Variants in ARID2 observed in about 807,000 individuals in gnomAD.
ARID2 encodes AT-rich interaction domain 2.
A neutral mutation model predicts 184.6 loss-of-function variants in ARID2; 32 were observed. The ratio of observed to expected loss-of-function variants is 0.17; its 90% CI spans 0.13 to 0.23. The LOEUF is 0.23. Ranked by LOEUF, ARID2 falls within the 10% of genes least tolerant of loss-of-function variation. The probability of loss-of-function intolerance (pLI) is 1.00; values close to 1 mark genes in which losing one functional copy is unlikely to be tolerated. For missense variants in ARID2, 1,696 were observed against 2,197.6 expected (o/e 0.77, Z 4.56); for synonymous variants, 836 against 772.6 (o/e 1.08, Z -1.36).
At chr12:45,778,697 A>C (rs1380919548) in intron 3 of ARID2, among the ~76,000 whole-genome samples, 2 of 151,990 alleles carry the variant, frequency 1.3e-5, no homozygotes, top group Non-Finnish European at 2.9e-5. Context: ...TTTTAAATAA[A>C]TGACGGTTCA....
At chr12:45,856,736 T>C (rs1207345672) in intron 15 of ARID2, among the ~76,000 whole-genome samples, 2 of 152,104 alleles carry the variant, frequency 1.3e-5, no homozygotes, top group Admixed American at 6.6e-5. Flanking sequence ...CAGAAAAAAA[T>C]AGCAACAAGT....
At chr12:45,839,532 A>G (rs1483810234) in intron 11 of ARID2, 36 bp downstream of exon 11, 1 of 1,581,292 alleles carries the variant, frequency 6.3e-7, no homozygotes, top group East Asian at 2.2e-5. Context: ...CAGTGTGGTT[A>G]CGAGTGTATA....
rs145310871 is a variant in ARID2 at position 45,907,036 on chromosome 12, C to T, written c.*1958C>T. On this transcript the variant is annotated 3_prime_UTR_variant, in exon 21 of 21. Transcript: ENST00000334344. ...CTAGTTTCTTCCTGAAGGAGGATCCCTGGCGCTGTCCTGCCATGTCTCAAA... is the reference window on the plus strand; with the variant it reads ...CTAGTTTCTTCCTGAAGGAGGATCCTTGGCGCTGTCCTGCCATGTCTCAAA... 110 of 231,858 alleles carry T rather than the reference C, an allele frequency of 4.7e-4. No homozygotes were observed. Among genetic ancestry groups the T allele is most frequent in the South Asian group, 1.4e-3 (8 of 5,522 alleles). 14.4% of individuals were successfully genotyped at this position (231,858 alleles called of 1,614,324 possible).
At chr12:45,751,827 A>G (rs1300983863) in intron 3 of ARID2, among the ~76,000 whole-genome samples, 2 of 152,206 alleles carry the variant, frequency 1.3e-5, no homozygotes, top group Non-Finnish European at 2.9e-5. Flanking sequence ...AAGGTACAGT[A>G]AAAATATGAT....
At chr12:45,878,492 T>C (rs778335511) in intron 16 of ARID2, among the ~76,000 whole-genome samples, 3 of 152,182 alleles carry the variant, frequency 2.0e-5, no homozygotes, top group Non-Finnish European at 4.4e-5. Context: ...GTCCACTGAT[T>C]CTTTCCTTAT....
At chr12:45,833,000 A>G (rs776952656) in intron 6 of ARID2, among the ~76,000 whole-genome samples, 2 of 152,158 alleles carry the variant, frequency 1.3e-5, no homozygotes, top group African/African-American at 2.4e-5. Flanking sequence ...GAATATGTAT[A>G]TTAGATCATG....
At chr12:45,830,404 A>G (rs1250124275) in intron 6 of ARID2, among the ~76,000 whole-genome samples, 1 of 152,104 alleles carries the variant, frequency 6.6e-6, no homozygotes, top group Non-Finnish European at 1.5e-5. Context: ...GAGATTGGGG[A>G]GTAGGCCAGT....
chr12:45,798,287 T>C (rs192541780), intron 3 of ARID2, among the ~76,000 whole-genome samples: 6 of 152,268 alleles, frequency 3.9e-5, no homozygotes, highest in Non-Finnish European at 7.4e-5. Context: ...TAACATGCAA[T>C]GTAGGATAAA....
At chr12:45,793,052 A>G (rs1942321679) in intron 3 of ARID2, among the ~76,000 whole-genome samples, 1 of 152,152 alleles carries the variant, frequency 6.6e-6, no homozygotes. Flanking sequence ...TAATCCCAGC[A>G]CTTTGGGAGG....
At chr12:45,888,507 A>C (rs1944235803) in intron 16 of ARID2, among the ~76,000 whole-genome samples, 1 of 152,228 alleles carries the variant, frequency 6.6e-6, no homozygotes, top group South Asian at 2.1e-4. Flanking sequence ...ATTTTGGAAT[A>C]GTTGTGGAGA....
chr12:45,828,020 T>G (rs1419167591), intron 6 of ARID2, among the ~76,000 whole-genome samples: 2 of 152,082 alleles, frequency 1.3e-5, no homozygotes, highest in Non-Finnish European at 2.9e-5. Flanking sequence ...TAAGTACTTT[T>G]TAAATTATAA....
intron 16 of ARID2, among the ~76,000 whole-genome samples, chr12:45,878,475 T>C (rs1215834930): frequency 1.3e-5 from 2 of 152,198 alleles, no homozygotes; most frequent in African/African-American, 4.8e-5. Context: ...CTTACTTACA[T>C]CTTCAAGTCC....
chr12:45,856,870 A>G (rs1943660566), intron 15 of ARID2, among the ~76,000 whole-genome samples: 2 of 152,332 alleles, frequency 1.3e-5, no homozygotes, highest in African/African-American at 4.8e-5. Context: ...TTTATTGGTA[A>G]CTGCTTATTT....
intron 20 of ARID2, among the ~76,000 whole-genome samples, chr12:45,897,096 A>T (rs1328572176): frequency 6.6e-6 from 1 of 152,190 alleles, no homozygotes; most frequent in African/African-American, 2.4e-5. Flanking sequence ...AGACCAATGG[A>T]ATAGAAGAGA....
At chr12:45,827,035 TG>T (rs1260194563) in intron 6 of ARID2, among the ~76,000 whole-genome samples, 3 of 152,182 alleles carry the variant, frequency 2.0e-5, no homozygotes, top group African/African-American at 7.2e-5. Flanking sequence ...AAATTTAGAT[TG>T]TTTCCATTTC....
At chr12:45,766,077 ATGTGAGT>A (rs1435307927) in intron 3 of ARID2, among the ~76,000 whole-genome samples, 1 of 152,194 alleles carries the variant, frequency 6.6e-6, no homozygotes, top group Non-Finnish European at 1.5e-5. Context: ...CTTGATAGGC[ATGTGAGT>A]TATTTCCAAT....
At chr12:45,881,646 A>AT (rs938956943) in intron 16 of ARID2, 5 of 162,250 alleles carry the variant, frequency 3.1e-5, no homozygotes, top group African/African-American at 7.2e-5. Context: ...CTTCCGGTGG[A>AT]TTTTTTTGTC....
chr12:45,747,336 A>G (rs977123049), intron 3 of ARID2, among the ~76,000 whole-genome samples: 1 of 152,200 alleles, frequency 6.6e-6, no homozygotes, highest in Non-Finnish European at 1.5e-5. Context: ...CAACAACTCT[A>G]GGAAATAGGT....
At chr12:45,858,204 T>C (rs776550349) in intron 15 of ARID2, among the ~76,000 whole-genome samples, 3 of 152,194 alleles carry the variant, frequency 2.0e-5, no homozygotes, top group Non-Finnish European at 4.4e-5. Context: ...TCATGGTGTC[T>C]GGTTTATTCA....
Sources: gnomAD v4.1 joint callset for allele counts (sites outside exome capture counted in the v4.1 genomes callset) on GRCh38, gnomAD v4.1.1 for gene constraint, MANE v1.5 for transcripts, NCBI Gene and HGNC (gene_info 2026-07-23, HGNC 2026-07-21) for gene names.